The following ADGRL3 variants were observed in gnomAD, a reference collection of about 807,000 sequenced individuals.
ADGRL3 encodes calcium-independent alpha-latrotoxin receptor 3.
ADGRL3 carries 62 observed loss-of-function variants against 153.5 expected under a neutral mutation model. The ratio of observed to expected loss-of-function variants is 0.40; its 90% CI spans 0.33 to 0.50. ADGRL3 has a LOEUF of 0.50. Among genes scored for constraint, ADGRL3 ranks in the 20% least tolerant of loss-of-function variants. The pLI, the probability that ADGRL3 is intolerant of heterozygous loss-of-function variation, is 0.47. For synonymous variants in ADGRL3, 710 were observed against 672.5 expected, an observed-to-expected ratio of 1.06 and a Z score of -0.86; for missense variants, 1,641 against 1,859.4, an observed-to-expected ratio of 0.88 and a Z score of 2.16.
At chr4:61,595,726 C>T (rs1011259781) in intron 5 of ADGRL3, among the ~76,000 whole-genome samples, 20 of 152,160 alleles carry the variant, frequency 1.3e-4, no homozygotes, top group African/African-American at 4.8e-4. Flanking sequence ...TAGCCTAGCA[C>T]TAGGAATTGC....
intron 26 of ADGRL3, among the ~76,000 whole-genome samples, chr4:62,068,477 T>C (rs938976731): frequency 2.0e-5 from 3 of 152,200 alleles, no homozygotes; most frequent in African/African-American, 7.2e-5. Context: ...CATAAACTTT[T>C]AATTTTTATT....
At chr4:61,914,217 C>T (rs1029811002) in intron 13 of ADGRL3, among the ~76,000 whole-genome samples, 2 of 152,060 alleles carry the variant, frequency 1.3e-5, no homozygotes, top group African/African-American at 2.4e-5. Flanking sequence ...GAACACATTA[C>T]AAATGTTCCC....
At chr4:61,585,929 A>C (rs1360215036) in intron 4 of ADGRL3, among the ~76,000 whole-genome samples, 2 of 152,034 alleles carry the variant, frequency 1.3e-5, no homozygotes, top group East Asian at 3.9e-4. Context: ...TCTTATACAA[A>C]AAACTTTTAT....
At chr4:61,213,955 T>C (rs1487103706) in intron 1 of ADGRL3, among the ~76,000 whole-genome samples, 1 of 152,142 alleles carries the variant, frequency 6.6e-6, no homozygotes, top group African/African-American at 2.4e-5. Context: ...AGATGCATCA[T>C]TGCCTTCTGT....
chr4:61,417,124 C>T (rs1024643528), intron 2 of ADGRL3, among the ~76,000 whole-genome samples: 57 of 152,256 alleles, frequency 3.7e-4, no homozygotes, highest in Admixed American at 1.6e-3. Flanking sequence ...CTGCTCACCT[C>T]CTGCTGTGCA....
At chr4:61,583,056 T>C (rs1240523309) in intron 4 of ADGRL3, among the ~76,000 whole-genome samples, 2 of 152,090 alleles carry the variant, frequency 1.3e-5, no homozygotes, top group South Asian at 2.1e-4. Context: ...GAATTAATTA[T>C]ATTTGTTATA....
chr4:61,315,346 A>G (rs1187700419), intron 1 of ADGRL3, among the ~76,000 whole-genome samples: 1 of 152,154 alleles, frequency 6.6e-6, no homozygotes, highest in African/African-American at 2.4e-5. Context: ...TTTCCAGGAC[A>G]CAGGATTGAT....
chr4:61,528,131 C>T (rs903952549), intron 4 of ADGRL3, among the ~76,000 whole-genome samples: 2 of 152,208 alleles, frequency 1.3e-5, no homozygotes, highest in Middle Eastern at 3.4e-3. Context: ...GCTTCGGTTC[C>T]CTCATTTTTC....
chr4:61,221,839 C>CA (rs1370544808), intron 1 of ADGRL3, among the ~76,000 whole-genome samples: 2 of 151,934 alleles, frequency 1.3e-5, no homozygotes, highest in Non-Finnish European at 1.5e-5. Flanking sequence ...AAAATATTCG[C>CA]AATATAGTTT....
chr4:61,466,346 G>A (rs993457113), intron 2 of ADGRL3, among the ~76,000 whole-genome samples: 1 of 151,944 alleles, frequency 6.6e-6, no homozygotes, highest in East Asian at 1.9e-4. Context: ...CTCAGCATAC[G>A]CTTTTGCTAT....
At chr4:61,368,957 T>C (rs1335266437) in intron 1 of ADGRL3, among the ~76,000 whole-genome samples, 1 of 152,178 alleles carries the variant, frequency 6.6e-6, no homozygotes, top group Non-Finnish European at 1.5e-5. Flanking sequence ...CCCTTGTAAG[T>C]TGGATTCCTA....
intron 4 of ADGRL3, among the ~76,000 whole-genome samples, chr4:61,532,553 C>T (rs55892908): frequency 0.82 from 107,180 of 131,370 alleles, 43,708 homozygotes; most frequent in Middle Eastern, 0.89. Flanking sequence ...CGCGCGCGCG[C>T]GCGTGTGTGT....
intron 6 of ADGRL3, among the ~76,000 whole-genome samples, chr4:61,690,522 G>T (rs2095521766): frequency 6.6e-6 from 1 of 151,996 alleles, no homozygotes; most frequent in Admixed American, 6.6e-5. Flanking sequence ...TCTCCTAAAA[G>T]GTAGAACATA....
chr4:61,879,610 G>A (rs753594383), intron 9 of ADGRL3, among the ~76,000 whole-genome samples: 1 of 152,046 alleles, frequency 6.6e-6, no homozygotes, highest in Non-Finnish European at 1.5e-5. Context: ...TTTCAGCTTA[G>A]GGATGCTTCA....
intron 8 of ADGRL3, among the ~76,000 whole-genome samples, chr4:61,764,308 G>C (rs1000717797): frequency 2.0e-5 from 3 of 151,986 alleles, no homozygotes; most frequent in Admixed American, 6.6e-5. Flanking sequence ...GGCTGAGTTC[G>C]AAAAGAGAGT....
chr4:61,497,072 ATTAC>A (rs1191628777), intron 2 of ADGRL3, 45 bp from the exon 3 acceptor site: 10 of 514,234 alleles, frequency 1.9e-5, no homozygotes, highest in East Asian at 1.1e-4. Context: ...ATGTCTTTGG[ATTAC>A]TTACTTATTT....
At chr4:61,912,876 AG>A (rs1182547245) in intron 13 of ADGRL3, 119 bp downstream of exon 13, 3 of 882,730 alleles carry the variant, frequency 3.4e-6, no homozygotes, top group East Asian at 5.0e-5. Context: ...AATTTCATGG[AG>A]GGGGAGAAGG....
At chr4:61,576,867 T>G (rs555694765) in intron 4 of ADGRL3, among the ~76,000 whole-genome samples, 1 of 151,958 alleles carries the variant, frequency 6.6e-6, no homozygotes, top group African/African-American at 2.4e-5. Flanking sequence ...TCAGGTGGAT[T>G]ACGTAGACAG....
chr4:61,218,786 G>A (rs1234596524), intron 1 of ADGRL3, among the ~76,000 whole-genome samples: 5 of 152,206 alleles, frequency 3.3e-5, no homozygotes, highest in African/African-American at 9.6e-5. Flanking sequence ...GGAACTCAGA[G>A]GTTAGAGAAC....
Sources: gnomAD v4.1 joint callset for allele counts (sites outside exome capture counted in the v4.1 genomes callset) on GRCh38, gnomAD v4.1.1 for gene constraint, MANE v1.5 for transcripts, NCBI Gene and HGNC (gene_info 2026-07-23, HGNC 2026-07-21) for gene names.